DLGAP2: variants seen among roughly 807,000 people sequenced by gnomAD.
DLGAP2 encodes DLG associated protein 2.
Under a neutral mutation model 100.3 loss-of-function variants are expected in DLGAP2, and 26 were observed. The ratio of observed to expected loss-of-function variants is 0.26; its 90% CI spans 0.19 to 0.36. The LOEUF (loss-of-function observed/expected upper bound fraction) is 0.36. DLGAP2 is among the 10% of genes least tolerant of loss of function. The pLI is 1.00. For synonymous variants in DLGAP2, 886 were observed against 630.1 expected, an observed-to-expected ratio of 1.41 and a Z score of -6.08; for missense variants, 1,858 against 1,453.2, an observed-to-expected ratio of 1.28 and a Z score of -4.53.
intron 2 of DLGAP2, among the ~76,000 whole-genome samples, chr8:925,249 G>T (rs530177919): frequency 6.6e-6 from 1 of 152,052 alleles, no homozygotes. Context: ...GGGACGACAG[G>T]TGCACACCAC....
At chr8:1,235,009 C>T (rs1472002671) in intron 2 of DLGAP2, among the ~76,000 whole-genome samples, 2 of 9,334 alleles carry the variant, frequency 2.1e-4, no homozygotes, top group Non-Finnish European at 7.5e-4. Flanking sequence ...TTCTCTCACA[C>T]ATAGCGTTGT....
chr8:944,177 G>A (rs759343893), intron 2 of DLGAP2, among the ~76,000 whole-genome samples: 13 of 152,222 alleles, frequency 8.5e-5, no homozygotes, highest in Non-Finnish European at 1.8e-4. Flanking sequence ...GGGTGATCCA[G>A]TGGGCGGTAA....
chr8:1,159,207 T>C (rs886594248), intron 2 of DLGAP2, among the ~76,000 whole-genome samples: 15 of 152,240 alleles, frequency 9.9e-5, no homozygotes, highest in African/African-American at 3.4e-4. Context: ...AAAGCTATTA[T>C]AAATGTGAGC....
intron 2 of DLGAP2, among the ~76,000 whole-genome samples, chr8:1,223,752 A>C (rs1798362163): frequency 6.6e-6 from 1 of 152,196 alleles, no homozygotes; most frequent in Admixed American, 6.5e-5. Flanking sequence ...GTTTTCCCTA[A>C]GGGAAGTGGG....
intron 1 of DLGAP2, among the ~76,000 whole-genome samples, chr8:836,716 G>C (rs1402414031): frequency 6.6e-6 from 1 of 152,196 alleles, no homozygotes; most frequent in Non-Finnish European, 1.5e-5. Context: ...GCCCTGCTGG[G>C]GCCAGGGCCG....
intron 12 of DLGAP2, among the ~76,000 whole-genome samples, chr8:1,684,811 T>C (rs911897360): frequency 1.3e-5 from 2 of 152,096 alleles, no homozygotes; most frequent in East Asian, 3.8e-4. Context: ...AAAGAAATCC[T>C]TCCCAAGCTA....
At chr8:1,302,453 T>G (rs1001180224) in intron 3 of DLGAP2, 2 of 126,322 alleles carry the variant, frequency 1.6e-5, no homozygotes, top group African/African-American at 2.8e-5. Context: ...GGACTCGGAA[T>G]TTTCTGTGAG....
At chr8:1,310,621 A>C (rs768191673) in intron 3 of DLGAP2, among the ~76,000 whole-genome samples, 1 of 152,194 alleles carries the variant, frequency 6.6e-6, no homozygotes, top group Non-Finnish European at 1.5e-5. Context: ...TAAATTGTAA[A>C]AGACTAAAAT....
chr8:1,491,214 C>A (rs1414594409), intron 3 of DLGAP2, among the ~76,000 whole-genome samples: 1 of 151,946 alleles, frequency 6.6e-6, no homozygotes, highest in Non-Finnish European at 1.5e-5. Context: ...GACAAAAATG[C>A]TCGCTGTTTC....
intron 2 of DLGAP2, among the ~76,000 whole-genome samples, chr8:944,112 T>C (rs867492824): frequency 6.6e-6 from 1 of 152,382 alleles, no homozygotes; most frequent in Middle Eastern, 3.4e-3. Context: ...GCAGTATGAC[T>C]GTTGCTCAGA....
chr8:1,131,804 T>G (rs1307021932), intron 2 of DLGAP2, among the ~76,000 whole-genome samples: 5 of 152,238 alleles, frequency 3.3e-5, no homozygotes. Flanking sequence ...ATCTTTTGAA[T>G]TCTATGCTTT....
chr8:1,473,935 G>A (rs934663169), intron 3 of DLGAP2, among the ~76,000 whole-genome samples: 2 of 152,068 alleles, frequency 1.3e-5, no homozygotes, highest in African/African-American at 4.8e-5. Context: ...CTCTTTTTCT[G>A]TGTAAATTAC....
chr8:1,533,847 C>T (rs891455114), intron 4 of DLGAP2, among the ~76,000 whole-genome samples: 1 of 152,146 alleles, frequency 6.6e-6, no homozygotes, highest in Non-Finnish European at 1.5e-5. Context: ...GTCCCAGCTC[C>T]TCAGGAGGCT....
At chr8:946,465 A>ATGTG (rs1799326699) in intron 2 of DLGAP2, among the ~76,000 whole-genome samples, 1 of 151,768 alleles carries the variant, frequency 6.6e-6, no homozygotes, top group African/African-American at 2.4e-5. Flanking sequence ...GGGTTTCACC[A>ATGTG]TATTAGCCAG....
At chr8:1,212,851 T>G (rs1798134746) in intron 2 of DLGAP2, among the ~76,000 whole-genome samples, 1 of 148,070 alleles carries the variant, frequency 6.8e-6, no homozygotes. Flanking sequence ...GTATATGTAC[T>G]CATCTTCTCA....
At chr8:1,575,016 CAG>C (rs147817757) in intron 6 of DLGAP2, among the ~76,000 whole-genome samples, 2 of 152,150 alleles carry the variant, frequency 1.3e-5, no homozygotes, top group East Asian at 3.9e-4. Context: ...TACACAGGGA[CAG>C]AGAGAGGCAA....
At chr8:1,226,464 G>A (rs1798417932) in intron 2 of DLGAP2, among the ~76,000 whole-genome samples, 1 of 152,010 alleles carries the variant, frequency 6.6e-6, no homozygotes, top group Admixed American at 6.6e-5. Context: ...CACACACAGG[G>A]GCCTGTCAGG....
chr8:762,230 C>T (rs953553994), intron 1 of DLGAP2, among the ~76,000 whole-genome samples: 2 of 152,018 alleles, frequency 1.3e-5, no homozygotes, highest in African/African-American at 2.4e-5. Flanking sequence ...AAAAAGCCCA[C>T]TCTTACCATG....
At chr8:969,963 T>G (rs1799972996) in intron 2 of DLGAP2, among the ~76,000 whole-genome samples, 1 of 152,230 alleles carries the variant, frequency 6.6e-6, no homozygotes, top group African/African-American at 2.4e-5. Flanking sequence ...ATTATCTGAT[T>G]CAGCAAAAAA....
Sources: gnomAD v4.1 joint callset for allele counts (sites outside exome capture counted in the v4.1 genomes callset) on GRCh38, gnomAD v4.1.1 for gene constraint, MANE v1.5 for transcripts, NCBI Gene and HGNC (gene_info 2026-07-23, HGNC 2026-07-21) for gene names.